SHARPIN: variants seen among roughly 807,000 people sequenced by gnomAD.
SHARPIN encodes SHANK associated RH domain interactor, also known as hSIPL1.
Under a neutral mutation model 40.3 loss-of-function variants are expected in SHARPIN, and 25 were observed. The ratio of observed to expected loss-of-function variants is 0.62; its 90% CI spans 0.45 to 0.87. SHARPIN has a LOEUF of 0.87. Ranked by LOEUF, SHARPIN falls within the 40% of genes least tolerant of loss-of-function variation. SHARPIN has a pLI of 0.00. For missense variants in SHARPIN, 551 were observed against 516.1 expected (o/e 1.07, Z -0.66); for synonymous variants, 274 against 221.8 (o/e 1.24, Z -2.09).
rs1836243179 is a variant in SHARPIN at position 144,099,562 on chromosome 8, T to G, written c.716A>C (p.His239Pro). The G allele has an allele frequency of 6.2e-7, 1 of 1,613,958 alleles. No homozygotes were observed. The highest frequency in any genetic ancestry group is 8.5e-7 in the Non-Finnish European group (1 of 1,180,000). The change falls in exon 5 of 9, where the codon CAC becomes CCC. Residue 239 changes from histidine (H) to proline (P), a missense_variant. Physicochemically the swap from His to Pro is moderately conservative, Grantham distance 77. Transcript: ENST00000398712. ...GTGGGGGTGGACCTGCAGGGCAACGTGTGCAGAGGACGCGGCGGATGCGGC... is the reference window on the plus strand; with the variant it reads ...GTGGGGGTGGACCTGCAGGGCAACGGGTGCAGAGGACGCGGCGGATGCGGC... ...ASAASAASSA[H>P]VALQVHPHCT... is the part of the protein sequence containing the mutation.
At chr8:144,099,057 C>T (rs556978793) in intron 7 of SHARPIN, 24 bp downstream of exon 7, 187 of 1,575,052 alleles carry the variant, frequency 1.2e-4, no homozygotes, top group Non-Finnish European at 1.5e-4. Flanking sequence ...TGTCCTGGCC[C>T]TCCCTGCCCA....
Position 144,098,763 on chromosome 8 carries a change from G to A in SHARPIN, c.*38C>T, listed in dbSNP as rs898164680. On this transcript the variant is annotated 3_prime_UTR_variant, in exon 9 of 9. Transcript: ENST00000398712. Reference sequence around the variant, plus strand: ...GGGCCTGGAGATGTCGGACTTGTGAGGGAAGGGCCACTCTCCCCTTGTAAC... The same window carrying A: ...GGGCCTGGAGATGTCGGACTTGTGAAGGAAGGGCCACTCTCCCCTTGTAAC... 3 of 769,212 alleles carry A rather than the reference G, an allele frequency of 3.9e-6. No individual in the cohort carries two copies. Among genetic ancestry groups the A allele is most frequent in the Non-Finnish European group, 6.1e-6 (3 of 491,722 alleles). The allele number at this position is 769,212 out of a possible 1,614,324, so 47.6% of individuals were successfully genotyped here.
chr8:144,102,968 G>A, intron 2 of SHARPIN, 83 bp downstream of exon 2: 2 of 1,547,384 alleles, frequency 1.3e-6, no homozygotes, highest in Non-Finnish European at 1.8e-6. Flanking sequence ...CAGCAGTGGG[G>A]AAGGTGGATC....
At position 144,099,422 on chromosome 8, in the gene SHARPIN, T is replaced by G. The variant is rs752548797; in HGVS notation, c.777A>C (p.Ser259=). ...TVAALQEQVF[S]ELGFPPAVQR... ...GCACGGCTGGCGGGAAACCGAGCTC[T>G]GAGAACACCTGTGGCCAGAGCATCA... The change falls in exon 6 of 9, where the codon TCA becomes TCC. Residue 259 remains serine (S), a synonymous_variant. Transcript: ENST00000398712. 6.8e-6 allele frequency: 11 copies of G among 1,611,702 alleles called. No homozygotes were observed. The highest frequency in any genetic ancestry group is 8.5e-6 in the Non-Finnish European group (10 of 1,178,736).
At chr8:144,099,240 C>A in intron 6 of SHARPIN, 35 bp from the exon 7 acceptor site, 2 of 1,613,004 alleles carry the variant, frequency 1.2e-6, no homozygotes, top group Non-Finnish European at 1.7e-6. Context: ...TGGGGCTGCA[C>A]CCCACCTCCC....
chr8:144,099,800 C>T lies in SHARPIN; in HGVS notation c.562G>A (p.Glu188Lys), dbSNP rs777839426. The T allele has an allele frequency of 3.7e-6, 6 of 1,612,888 alleles. No homozygotes were observed. The Admixed American group carries it at 8.3e-5, about 22-fold the overall frequency. ...GCTGCCACTTGGGCTGCCCCCTTCT[C>T]GTCTCCACCTGCAATAGCCCGGGCC... ...SLARAIAGGDEKGAAQVAAVL... is the reference protein window; with the variant it reads ...SLARAIAGGDKKGAAQVAAVL... The change falls in exon 4 of 9, where the codon GAG becomes AAG. Residue 188 changes from glutamate (E) to lysine (K), a missense_variant. Physicochemically the swap from Glu to Lys is moderately conservative, Grantham distance 56. Transcript: ENST00000398712.
Position 144,099,945 on chromosome 8 carries a change from T to A in SHARPIN, c.501A>T (p.Gly167=). The A allele has an allele frequency of 6.2e-7, 1 of 1,612,506 alleles. No individual in the cohort carries two copies. Among genetic ancestry groups the A allele is most frequent in the South Asian group, 1.1e-5 (1 of 90,936 alleles). The part of the protein sequence containing the change: ...PPEADLPRSP[G]NLTEREELAG... ...CACCTGTACCTCTCTCCGTCAAGTT[T>A]CCAGGGCTCCTAGGAAGATCTGCCT... is the stretch of plus-strand genomic sequence containing the variant. Residue 167 remains glycine (G), a synonymous_variant, in exon 3 of 9, where the codon GGA becomes GGT. Transcript: ENST00000398712.
Position 144,098,755 on chromosome 8 carries a change from A to T in SHARPIN, c.*46T>A. ...TTCAGTGGGGGCCTGGAGATGTCGG[A>T]CTTGTGAGGGAAGGGCCACTCTCCC... On this transcript the variant is annotated 3_prime_UTR_variant, in exon 9 of 9. Transcript: ENST00000398712. The T allele has an allele frequency of 1.4e-6, 1 of 697,640 alleles. No homozygotes were observed. The highest frequency in any genetic ancestry group is 2.3e-6 in the Non-Finnish European group (1 of 432,454). 43.2% of individuals were successfully genotyped at this position (697,640 alleles called of 1,614,324 possible). A position where few individuals can be genotyped will look rare whatever the true frequency, so the allele number is the denominator to read the frequency against.
chr8:144,103,568 G>A lies in SHARPIN; in HGVS notation c.186C>T (p.Gly62=), dbSNP rs1284550148. 1 of 1,531,194 alleles carries A rather than the reference G, an allele frequency of 6.5e-7. No individual in the cohort carries two copies. Among genetic ancestry groups the A allele is most frequent in the East Asian group, 2.5e-5 (1 of 40,812 alleles). 94.9% of individuals were successfully genotyped at this position (1,531,194 alleles called of 1,614,324 possible). A position where few individuals can be genotyped will look rare whatever the true frequency, so the allele number is the denominator to read the frequency against. Residue 62 remains glycine (G), a synonymous_variant, in exon 1 of 9, where the codon GGC becomes GGT. Transcript: ENST00000398712. ...CCCCACTCACCGCCCCAGGTCCCGC[G>A]CCCAGCAGCTCCAGCCGGAAGCGCC... ...RPGRFRLELL[G]AGPGAVNLEW... is the part of the protein sequence containing the mutation.
intron 2 of SHARPIN, chr8:144,102,745 G>C (rs1444204900): frequency 4.0e-6 from 2 of 504,260 alleles, no homozygotes; most frequent in Non-Finnish European, 3.6e-6. Flanking sequence ...CACAGGTCCT[G>C]ACCCTGCCTG....
intron 2 of SHARPIN, among the ~76,000 whole-genome samples, chr8:144,102,013 C>T (rs1836296785): frequency 6.6e-6 from 1 of 152,204 alleles, no homozygotes; most frequent in South Asian, 2.1e-4. Context: ...TGCCCTCTAT[C>T]TGGGAGCCCC....
rs750009163 is a variant in SHARPIN, at chr8:144,099,446, C to G, written c.769-16G>C. The stretch of plus-strand genomic sequence containing the variant: ...CTGAGAACACCTGTGGCCAGAGCAT[C>G]AGGGCAGGTGATGTCACCTAGGCTC... On this transcript the variant is annotated splice_polypyrimidine_tract_variant and intron_variant, in intron 5 of 8. Coordinates refer to ENST00000398712, the MANE Select transcript of SHARPIN (RefSeq NM_030974.4). 1 of 1,609,558 alleles carries G rather than the reference C, an allele frequency of 6.2e-7. No homozygotes were observed. The highest frequency in any genetic ancestry group is 1.7e-5 in the Admixed American group (1 of 59,688).
At chr8:144,103,336 T>A (rs1386834844) in intron 1 of SHARPIN, 111 bp from the exon 2 acceptor site, 1 of 1,277,602 alleles carries the variant, frequency 7.8e-7, no homozygotes, top group Non-Finnish European at 1.1e-6. Flanking sequence ...CTAAGCCCTG[T>A]ACGCCTATCA....
chr8:144,101,232 T>C (rs1836280541), intron 2 of SHARPIN, among the ~76,000 whole-genome samples: 2 of 151,138 alleles, frequency 1.3e-5, no homozygotes. Context: ...ACAGTAATTT[T>C]ATTATTTTTG....
rs1564313621 is a variant in SHARPIN, at chr8:144,099,689, G to A, written c.659+14C>T. 10 of 1,613,492 alleles carry A rather than the reference G, an allele frequency of 6.2e-6. No individual in the cohort carries two copies. Among genetic ancestry groups the A allele is most frequent in the Non-Finnish European group, 8.5e-6 (10 of 1,179,804 alleles). On this transcript the variant is annotated intron_variant, in intron 4 of 8. Coordinates refer to ENST00000398712, the MANE Select transcript of SHARPIN (RefSeq NM_030974.4). ...GTCACGAGGACAAGGTGAAGAAGCA[G>A]CCCCAGGCCTCACCTGATGGGGCCA...
intron 2 of SHARPIN, 28 bp downstream of exon 2, chr8:144,103,023 G>T (rs1442213919): frequency 1.9e-6 from 3 of 1,612,634 alleles, no homozygotes; most frequent in Non-Finnish European, 2.5e-6. Context: ...ATTCCAAATT[G>T]TAATTGTATC....
chr8:144,103,730 C>A lies in SHARPIN; in HGVS notation c.24G>T (p.Ala8=). The part of the protein sequence containing the change: MAPPAGG[A]AAAASDLGSA... ...AGCCCAAGTCCGAGGCCGCCGCCGC[C>A]GCCCCGCCCGCTGGCGGCGCCATCT... Residue 8 remains alanine, a synonymous_variant, in exon 1 of 9, where the codon GCG becomes GCT. Coordinates refer to ENST00000398712, the MANE Select transcript of SHARPIN (RefSeq NM_030974.4). 1 of 1,387,028 alleles carries A rather than the reference C, an allele frequency of 7.2e-7. No individual in the cohort carries two copies. Among genetic ancestry groups the A allele is most frequent in the Non-Finnish European group, 9.3e-7 (1 of 1,077,084 alleles). 85.9% of individuals were successfully genotyped at this position (1,387,028 alleles called of 1,614,324 possible).
At position 144,103,771 on chromosome 8, in the gene SHARPIN, C is replaced by A; in HGVS notation, c.-18G>T. 7.4e-7 allele frequency: 1 copy of A among 1,352,742 alleles called. No individual in the cohort carries two copies. The highest frequency in any genetic ancestry group is 1.8e-5 in the South Asian group (1 of 54,982). The allele number at this position is 1,352,742 out of a possible 1,614,324, so 83.8% of individuals were successfully genotyped here. A position where few individuals can be genotyped will look rare whatever the true frequency, so the allele number is the denominator to read the frequency against. On this transcript the variant is annotated 5_prime_UTR_variant, in exon 1 of 9. Transcript: ENST00000398712. ...GGCGCCATCTCCGGTCCGGCCGGGT[C>A]CCACCCCTCCGAGCGCGCTTCCGTG...
chr8:144,101,787 C>T (rs1225080590), intron 2 of SHARPIN, among the ~76,000 whole-genome samples: 1 of 152,030 alleles, frequency 6.6e-6, no homozygotes, highest in Non-Finnish European at 1.5e-5. Flanking sequence ...GCCTCCTCCC[C>T]TCTAAAAATG....
Sources: allele counts gnomAD v4.1 joint callset (sites outside exome capture counted in the v4.1 genomes callset), GRCh38; gene constraint gnomAD v4.1.1; transcripts MANE v1.5; gene names NCBI Gene and HGNC (gene_info 2026-07-23, HGNC 2026-07-21).